Variants in PBX2 observed in about 807,000 individuals in gnomAD.
PBX2 encodes pre-B-cell leukemia transcription factor 2.
PBX2 carries 10 observed loss-of-function variants against 46.5 expected under a neutral mutation model. The ratio of observed to expected loss-of-function variants is 0.21; its 90% CI spans 0.13 to 0.36. The LOEUF is 0.36. Among genes scored for constraint, PBX2 ranks in the 10% least tolerant of loss-of-function variants. The probability of loss-of-function intolerance (pLI) is 1.00; values close to 1 mark genes in which losing one functional copy is unlikely to be tolerated. For synonymous variants in PBX2, 160 were observed against 222.5 expected, an observed-to-expected ratio of 0.72 and a Z score of 2.50; for missense variants, 392 against 580.5, an observed-to-expected ratio of 0.68 and a Z score of 3.34.
Position 32,187,468 on chromosome 6 carries a change from CA to C in PBX2, c.871-74del. 1 of 1,501,310 alleles carries C rather than the reference CA, an allele frequency of 6.7e-7. No individual in the cohort carries two copies. Among genetic ancestry groups the C allele is most frequent in the Non-Finnish European group, 9.1e-7 (1 of 1,100,746 alleles). 93.0% of individuals were successfully genotyped at this position (1,501,310 alleles called of 1,614,324 possible). A position where few individuals can be genotyped will look rare whatever the true frequency, so the allele number is the denominator to read the frequency against. The stretch of plus-strand genomic sequence containing the variant: ...CCTTCACTGAATAAGATGTGAGTGA[CA>C]GCATTTTTTTTTTTTTTGCTTCCTG... On this transcript the variant is annotated intron_variant, in intron 5 of 8. Transcript: ENST00000375050. The surrounding 1 kb of genome is among the most constrained non-coding windows in gnomAD (Gnocchi z 7.7).
In PBX2 at chr6:32,186,533, C is replaced by T; in HGVS notation, c.1201-59G>A. 6.3e-7 allele frequency: 1 copy of T among 1,575,658 alleles called. No homozygotes were observed. The highest frequency in any genetic ancestry group is 8.7e-7 in the Non-Finnish European group (1 of 1,145,026). ...AAGCCCTGGGAACCCTGTGTGGGCA[C>T]AACATTACTAGGGAAAATGCCCCTC... is the stretch of plus-strand genomic sequence containing the variant. On this transcript the variant is annotated intron_variant, in intron 8 of 8. Transcript: ENST00000375050. The surrounding 1 kb of genome is among the most constrained non-coding windows in gnomAD (Gnocchi z 4.2).
Position 32,187,550 on chromosome 6 carries a change from A to G in PBX2, c.870+97T>C. Reference sequence around the variant, plus strand: ...CCAATTCAAGTGATCCTCCCACTTCAGCCTCCCTAGTAGCTGGGATTACAG... The same window carrying G: ...CCAATTCAAGTGATCCTCCCACTTCGGCCTCCCTAGTAGCTGGGATTACAG... On this transcript the variant is annotated intron_variant, in intron 5 of 8. Transcript: ENST00000375050. The surrounding 1 kb of genome is among the most constrained non-coding windows in gnomAD (Gnocchi z 7.7). The G allele has an allele frequency of 6.6e-7, 1 of 1,518,340 alleles. No homozygotes were observed. The highest frequency in any genetic ancestry group is 8.9e-7 in the Non-Finnish European group (1 of 1,123,066). 94.1% of individuals were successfully genotyped at this position (1,518,340 alleles called of 1,614,324 possible).
Position 32,187,707 on chromosome 6 carries a change from T to C in PBX2, c.810A>G (p.Pro270=). The stretch of plus-strand genomic sequence containing the variant: ...CCTCCTTGGCCTCCTCACTAGGATA[T>C]GGGTTACTCAGGTGGGAGTAGAAAT... ...NEYFYSHLSN[P]YPSEEAKEEL... The change falls in exon 5 of 9, where the codon CCA becomes CCG. Residue 270 remains proline, a synonymous_variant. Coordinates refer to ENST00000375050, the MANE Select transcript of PBX2 (RefSeq NM_002586.5). This position sits in a 1 kb window ranked among gnomAD's most constrained non-coding sequence, Gnocchi z 7.7. 6.2e-7 allele frequency: 1 copy of C among 1,610,024 alleles called. No homozygotes were observed. The highest frequency in any genetic ancestry group is 8.5e-7 in the Non-Finnish European group (1 of 1,178,670).
chr6:32,188,858 G>A lies in PBX2; in HGVS notation c.222-62C>T. 1 of 1,462,954 alleles carries A rather than the reference G, an allele frequency of 6.8e-7. No homozygotes were observed. 90.6% of individuals were successfully genotyped at this position (1,462,954 alleles called of 1,614,324 possible). A position where few individuals can be genotyped will look rare whatever the true frequency, so the allele number is the denominator to read the frequency against. On this transcript the variant is annotated intron_variant, in intron 1 of 8. Coordinates refer to ENST00000375050, the MANE Select transcript of PBX2 (RefSeq NM_002586.5). This position sits in a 1 kb window ranked among gnomAD's most constrained non-coding sequence, Gnocchi z 6.5. ...AGGAGCTAGAGAAACAGAGCAGGGG[G>A]CCTGAGAACAAGGAGGGAGGAGGGT... is the stretch of plus-strand genomic sequence containing the variant.
rs1382619160 is a variant in PBX2 at position 32,189,323 on chromosome 6, A to T, written c.221+372T>A. 6.6e-6 allele frequency among the ~76,000 whole-genome samples: 1 copy of T among 151,954 alleles called. No individual in the cohort carries two copies. Among genetic ancestry groups the T allele is most frequent in the Non-Finnish European group, 1.5e-5 (1 of 67,974 alleles). The stretch of plus-strand genomic sequence containing the variant: ...CTCTGGAGAGGGTGTGGAGGTCTCC[A>T]CATCTGGAGAGAATGAGGGGGCTGG... On this transcript the variant is annotated intron_variant, in intron 1 of 8. Transcript: ENST00000375050. This position sits in a 1 kb window ranked among gnomAD's most constrained non-coding sequence, Gnocchi z 4.7.
In PBX2 at chr6:32,189,127, CAG is replaced by C; in HGVS notation, c.222-333_222-332del. 2.2e-6 allele frequency: 1 copy of C among 453,682 alleles called. No individual in the cohort carries two copies. The highest frequency in any genetic ancestry group is 4.0e-6 in the Non-Finnish European group (1 of 249,176). The allele number at this position is 453,682 out of a possible 1,614,324, so 28.1% of individuals were successfully genotyped here. A position where few individuals can be genotyped will look rare whatever the true frequency, so the allele number is the denominator to read the frequency against. ...TTGGTAGGTTTCAGAGGGAGAGAGA[CAG>C]AGGCTGGGGTTGAGAAGAGTCAGAG... On this transcript the variant is annotated intron_variant, in intron 1 of 8. Transcript: ENST00000375050. This position sits in a 1 kb window ranked among gnomAD's most constrained non-coding sequence, Gnocchi z 4.7.
In PBX2 at chr6:32,188,380, AGCT is replaced by A. The variant is rs757704998; in HGVS notation, c.417_419del (p.Ala145del). ...CACCACCAGAGGCTGCAGCGGCTGC[AGCT>A]GCTGCTGCTGAGCCGCCCCCTTTCT... On this transcript the variant is annotated inframe_deletion, in exon 3 of 9. Coordinates refer to ENST00000375050, the MANE Select transcript of PBX2 (RefSeq NM_002586.5). The surrounding 1 kb of genome is among the most constrained non-coding windows in gnomAD (Gnocchi z 6.5). 1.5e-5 allele frequency: 25 copies of A among 1,613,862 alleles called. No individual in the cohort carries two copies. Among genetic ancestry groups the A allele is most frequent in the African/African-American group, 2.7e-5 (2 of 74,932 alleles).
In PBX2 at chr6:32,190,098, G is replaced by T; in HGVS notation, c.-183C>A. On this transcript the variant is annotated 5_prime_UTR_variant, in exon 1 of 9. Coordinates refer to ENST00000375050, the MANE Select transcript of PBX2 (RefSeq NM_002586.5). ...AAGGGAGACCTGGGATACCGGCTGG[G>T]CCCCCCACAGGAGACCCCGGCCCCC... 2.2e-6 allele frequency: 1 copy of T among 459,040 alleles called. No individual in the cohort carries two copies. Among genetic ancestry groups the T allele is most frequent in the Admixed American group, 4.2e-5 (1 of 23,600 alleles). The allele number at this position is 459,040 out of a possible 1,614,324, so 28.4% of individuals were successfully genotyped here.
chr6:32,190,098 G>GC lies in PBX2; in HGVS notation c.-184dup, dbSNP rs1275403223. On this transcript the variant is annotated 5_prime_UTR_variant, in exon 1 of 9. Transcript: ENST00000375050. ...AAGGGAGACCTGGGATACCGGCTGGGCCCCCCACAGGAGACCCCGGCCCCC... is the reference window on the plus strand; with the variant it reads ...AAGGGAGACCTGGGATACCGGCTGGGCCCCCCCACAGGAGACCCCGGCCCCC... The GC allele has an allele frequency of 4.4e-6, 2 of 459,040 alleles. No individual in the cohort carries two copies. The highest frequency in any genetic ancestry group is 3.6e-5 in the East Asian group (1 of 27,620). The allele number at this position is 459,040 out of a possible 1,614,324, so 28.4% of individuals were successfully genotyped here.
Position 32,187,692 on chromosome 6 carries a change from C to T in PBX2, c.825G>A (p.Glu275=), listed in dbSNP as rs1368626599. Residue 275 remains glutamate, a synonymous_variant, in exon 5 of 9, where the codon GAG becomes GAA. Coordinates refer to ENST00000375050, the MANE Select transcript of PBX2 (RefSeq NM_002586.5). The surrounding 1 kb of genome is among the most constrained non-coding windows in gnomAD (Gnocchi z 7.7). The part of the protein sequence containing the change: ...SHLSNPYPSE[E]AKEELAKKCG... Reference sequence around the variant, plus strand: ...ACTTCTTGGCAAGCTCCTCCTTGGCCTCCTCACTAGGATATGGGTTACTCA... The same window carrying T: ...ACTTCTTGGCAAGCTCCTCCTTGGCTTCCTCACTAGGATATGGGTTACTCA... 6.2e-7 allele frequency: 1 copy of T among 1,606,432 alleles called. No individual in the cohort carries two copies. The highest frequency in any genetic ancestry group is 8.5e-7 in the Non-Finnish European group (1 of 1,176,890).
rs1451240481 is a variant in PBX2, at chr6:32,189,451, G to A, written c.221+244C>T. On this transcript the variant is annotated intron_variant, in intron 1 of 8. Transcript: ENST00000375050. The surrounding 1 kb of genome is among the most constrained non-coding windows in gnomAD (Gnocchi z 4.7). Reference sequence around the variant, plus strand: ...GGGGCTGTTCCAGGAGACTGCAGGGGTCGGCAAAAGGTTAGGAGTGGGGAG... The same window carrying A: ...GGGGCTGTTCCAGGAGACTGCAGGGATCGGCAAAAGGTTAGGAGTGGGGAG... Among the ~76,000 whole-genome samples, 1 of 152,046 alleles carries A rather than the reference G, an allele frequency of 6.6e-6. No homozygotes were observed. Among genetic ancestry groups the A allele is most frequent in the South Asian group, 2.1e-4 (1 of 4,826 alleles).
Position 32,184,767 on chromosome 6 carries a change from G to C in PBX2, c.*1615C>G, listed in dbSNP as rs1786917041. On this transcript the variant is annotated 3_prime_UTR_variant, in exon 9 of 9. Transcript: ENST00000375050. Reference sequence around the variant, plus strand: ...AAAAGAAATTTCTTTATTTAAAACTGCATTTTGTTTTTTTTCTGTGAAACT... The same window carrying C: ...AAAAGAAATTTCTTTATTTAAAACTCCATTTTGTTTTTTTTCTGTGAAACT... The C allele has an allele frequency of 6.5e-6, 1 of 153,818 alleles. No individual in the cohort carries two copies. Among genetic ancestry groups the C allele is most frequent in the African/African-American group, 2.4e-5 (1 of 41,488 alleles). 9.5% of individuals were successfully genotyped at this position (153,818 alleles called of 1,614,324 possible). A position where few individuals can be genotyped will look rare whatever the true frequency, so the allele number is the denominator to read the frequency against.
At position 32,188,896 on chromosome 6, in the gene PBX2, G is replaced by A. The variant is rs1373133906; in HGVS notation, c.222-100C>T. 5.9e-6 allele frequency: 6 copies of A among 1,009,800 alleles called. No homozygotes were observed. Among genetic ancestry groups the A allele is most frequent in the Non-Finnish European group, 9.4e-6 (6 of 635,970 alleles). The allele number at this position is 1,009,800 out of a possible 1,614,324, so 62.6% of individuals were successfully genotyped here. On this transcript the variant is annotated intron_variant, in intron 1 of 8. Transcript: ENST00000375050. The surrounding 1 kb of genome is among the most constrained non-coding windows in gnomAD (Gnocchi z 6.5). ...GAGGGAGGAGGGTCAGTCTGCGGAG[G>A]GAGGAAGCGGATTGGGGGTGGAATG...
chr6:32,189,029 G>A lies in PBX2; in HGVS notation c.222-233C>T. On this transcript the variant is annotated intron_variant, in intron 1 of 8. Transcript: ENST00000375050. This position sits in a 1 kb window ranked among gnomAD's most constrained non-coding sequence, Gnocchi z 4.7. ...GGAAGATGCAGGCAGCAGGTTAAAGGCTGCGGGCTTTGGGAGATGGTCTAG... is the reference window on the plus strand; with the variant it reads ...GGAAGATGCAGGCAGCAGGTTAAAGACTGCGGGCTTTGGGAGATGGTCTAG... The A allele has an allele frequency of 1.8e-6, 1 of 563,360 alleles. No individual in the cohort carries two copies. The highest frequency in any genetic ancestry group is 2.8e-5 in the East Asian group (1 of 35,622). 34.9% of individuals were successfully genotyped at this position (563,360 alleles called of 1,614,324 possible). A position where few individuals can be genotyped will look rare whatever the true frequency, so the allele number is the denominator to read the frequency against.
In PBX2 at chr6:32,188,778, G is replaced by A. The variant is rs1787264042; in HGVS notation, c.240C>T (p.Cys80=). ...EAQAKKHALN[C]HRMKPALFSV... ...TAAAGAGAGCAGGCTTCATTCGGTG[G>A]CAGTTTAGGGCGTGTTTCCTTGGGA... The change falls in exon 2 of 9, where the codon TGC becomes TGT. Residue 80 remains cysteine, a synonymous_variant. Coordinates refer to ENST00000375050, the MANE Select transcript of PBX2 (RefSeq NM_002586.5). The surrounding 1 kb of genome is among the most constrained non-coding windows in gnomAD (Gnocchi z 6.5). The A allele has an allele frequency of 6.2e-7, 1 of 1,612,974 alleles. No individual in the cohort carries two copies. Among genetic ancestry groups the A allele is most frequent in the Non-Finnish European group, 8.5e-7 (1 of 1,180,004 alleles).
rs1787178512 is a variant in PBX2 at position 32,187,129 on chromosome 6, G to A, written c.1024+113C>T. 6 of 1,335,078 alleles carry A rather than the reference G, an allele frequency of 4.5e-6. No homozygotes were observed. Among genetic ancestry groups the A allele is most frequent in the South Asian group, 1.3e-5 (1 of 76,550 alleles). 82.7% of individuals were successfully genotyped at this position (1,335,078 alleles called of 1,614,324 possible). ...TGACATCTCCAGCCTATCTCAGCTC[G>A]GTCCCTCTCACCCCAAAAGGCCCCC... On this transcript the variant is annotated intron_variant, in intron 6 of 8. Transcript: ENST00000375050. This position sits in a 1 kb window ranked among gnomAD's most constrained non-coding sequence, Gnocchi z 7.7.
At position 32,188,575 on chromosome 6, in the gene PBX2, C is replaced by A; in HGVS notation, c.296-71G>T. The A allele has an allele frequency of 6.3e-7, 1 of 1,583,232 alleles. No individual in the cohort carries two copies. The highest frequency in any genetic ancestry group is 2.2e-5 in the East Asian group (1 of 44,486). On this transcript the variant is annotated intron_variant, in intron 2 of 8. Coordinates refer to ENST00000375050, the MANE Select transcript of PBX2 (RefSeq NM_002586.5). This position sits in a 1 kb window ranked among gnomAD's most constrained non-coding sequence, Gnocchi z 6.5. ...CCAGTGCTCAGTCCTCCTGGTGCTT[C>A]CTGGAGAGCCAAGTTCCCAGGCTTT...
rs757209013 is a variant in PBX2, at chr6:32,189,419, C to T, written c.221+276G>A. ...TAGTCTGGGAGCCAGAGGGGGCTCC[C>T]GGGGATGGGGCTGTTCCAGGAGACT... On this transcript the variant is annotated intron_variant, in intron 1 of 8. Transcript: ENST00000375050. The surrounding 1 kb of genome is among the most constrained non-coding windows in gnomAD (Gnocchi z 4.7). 2.0e-5 allele frequency among the ~76,000 whole-genome samples: 3 copies of T among 151,746 alleles called. No individual in the cohort carries two copies. The highest frequency in any genetic ancestry group is 1.5e-5 in the Non-Finnish European group (1 of 67,928).
rs992879132 is a variant in PBX2 at position 32,190,145 on chromosome 6, G to GGA, written c.-232_-231dup. 138 of 400,324 alleles carry GGA rather than the reference G, an allele frequency of 3.4e-4. No homozygotes were observed. Among genetic ancestry groups the GGA allele is most frequent in the African/African-American group, 2.7e-3 (132 of 48,066 alleles). The allele number at this position is 400,324 out of a possible 1,614,324, so 24.8% of individuals were successfully genotyped here. ...CCCCGGCGGCGGAGAAAATGGAGCC[G>GGA]GAGAGAGAGAGGAGGCCCAAGCGGG... On this transcript the variant is annotated 5_prime_UTR_variant, in exon 1 of 9. Transcript: ENST00000375050.
Sources: gnomAD v4.1 joint callset for allele counts (sites outside exome capture counted in the v4.1 genomes callset) on GRCh38, gnomAD v4.1.1 for gene constraint, Gnocchi (gnomAD v3.1) non-coding constraint, MANE v1.5 for transcripts, NCBI Gene and HGNC (gene_info 2026-07-23, HGNC 2026-07-21) for gene names.